The following SNRNP200 variants were observed in gnomAD, a reference collection of about 807,000 sequenced individuals.
SNRNP200 encodes small nuclear ribonucleoprotein U5 subunit 200, also known as U5 small nuclear ribonucleoprotein 200 kDa helicase.
Under a neutral mutation model 255.2 loss-of-function variants are expected in SNRNP200, and 66 were observed. That is an observed-to-expected ratio of 0.26 (90% CI 0.21 to 0.32). The LOEUF is 0.32. SNRNP200 is among the 10% of genes least tolerant of loss of function. SNRNP200 has a pLI of 1.00. For missense variants in SNRNP200, 1,585 were observed against 2,749.8 expected (o/e 0.58, Z 9.47); for synonymous variants, 939 against 1,027.8 (o/e 0.91, Z 1.65).
rs1377252379 is a variant in SNRNP200, at chr2:96,278,622, C to T, written c.5413G>A (p.Glu1805Lys). Reference sequence around the variant, plus strand: ...AGAGGCGCCACGTCCATCTCGTCCTCGATGCTGATGCACTTGGACTGCTCC... The same window carrying T: ...AGAGGCGCCACGTCCATCTCGTCCTTGATGCTGATGCACTTGGACTGCTCC... ...DLEQSKCISI[E>K]DEMDVAPLNL... The change falls in exon 38 of 45, where the codon GAG (glutamate) becomes AAG (lysine). Residue 1805 changes from glutamate to lysine, a missense_variant. Glu to Lys is a moderately conservative substitution (Grantham distance 56). This residue lies in a region of SNRNP200 where 279 missense variants were observed against 551.2 expected (regional missense o/e 0.51). Transcript: ENST00000323853. This position sits in a 1 kb window ranked among gnomAD's most constrained non-coding sequence, Gnocchi z 6.9. The T allele has an allele frequency of 2.5e-6, 4 of 1,614,086 alleles. No homozygotes were observed. The highest frequency in any genetic ancestry group is 2.7e-5 in the African/African-American group (2 of 74,920).
chr2:96,304,320 T>C (rs905281259), intron 2 of SNRNP200, among the ~76,000 whole-genome samples: 8 of 151,952 alleles, frequency 5.3e-5, no homozygotes, highest in Admixed American at 5.2e-4. Context: ...ATGCTTAAAT[T>C]AGTTTGTTAC....
At chr2:96,279,750 G>C (rs1170975798) in intron 35 of SNRNP200, 191 bp from the exon 36 acceptor site, 2 of 602,020 alleles carry the variant, frequency 3.3e-6, no homozygotes, top group Non-Finnish European at 6.1e-6. Flanking sequence ...TAACATTTTA[G>C]TATTCAGTGT....
chr2:96,289,412 C>G (rs1334853567), intron 21 of SNRNP200, 33 bp from the exon 22 acceptor site: 1 of 1,611,750 alleles, frequency 6.2e-7, no homozygotes, highest in Non-Finnish European at 8.5e-7. Context: ...CCAGTGCTGA[C>G]TATTAATGAG....
intron 2 of SNRNP200, 115 bp from the exon 3 acceptor site, chr2:96,303,445 CA>C (rs1477564419): frequency 8.1e-7 from 1 of 1,234,740 alleles, no homozygotes; most frequent in Admixed American, 1.7e-5. Flanking sequence ...TATCTGAAAA[CA>C]GGTATCTGAG....
At chr2:96,297,140 C>T in intron 11 of SNRNP200, 70 bp from the exon 12 acceptor site, 2 of 1,609,230 alleles carry the variant, frequency 1.2e-6, no homozygotes, top group Non-Finnish European at 1.7e-6. Context: ...TGTGGGATTG[C>T]CAGGATTTTG....
In SNRNP200 at chr2:96,298,555, T is replaced by G. The variant is rs773981518; in HGVS notation, c.982+48A>C. 21 of 1,602,266 alleles carry G rather than the reference T, an allele frequency of 1.3e-5. No homozygotes were observed. In the Admixed American group the frequency reaches 3.5e-4, roughly 27 times the overall value. Reference sequence around the variant, plus strand: ...AACAACAGAATCTCTATGTCACACATGCACACATATGTACTCACTCTGCAG... The same window carrying G: ...AACAACAGAATCTCTATGTCACACAGGCACACATATGTACTCACTCTGCAG... On this transcript the variant is annotated intron_variant, in intron 8 of 44. Transcript: ENST00000323853.
At chr2:96,288,026 A>C in intron 24 of SNRNP200, 57 bp from the exon 25 acceptor site, 1 of 1,498,608 alleles carries the variant, frequency 6.7e-7, no homozygotes, top group South Asian at 1.1e-5. Flanking sequence ...AGGCCTCATG[A>C]GCCACTCTAC....
chr2:96,276,071 G>A (rs1337608865), intron 43 of SNRNP200, among the ~76,000 whole-genome samples: 1 of 152,270 alleles, frequency 6.6e-6, no homozygotes, highest in Non-Finnish European at 1.5e-5. Flanking sequence ...AGGCCTTGCA[G>A]CCCTGTCTAC....
Position 96,283,542 on chromosome 2 carries a change from G to T in SNRNP200, c.4756C>A (p.Arg1586=). The part of the protein sequence containing the change: ...ILTTCAADIQ[R]QRFLHCTEKD... ...ACGCCAGGCCCCACCTACCTCTGCC[G>T]TTGGATGTCTGCTGCACAGGTGGTG... is the stretch of plus-strand genomic sequence containing the variant. The change falls in exon 33 of 45, where the codon CGG becomes AGG. Residue 1586 remains arginine (R), a synonymous_variant. Transcript: ENST00000323853. This position sits in a 1 kb window ranked among gnomAD's most constrained non-coding sequence, Gnocchi z 4.7. The T allele has an allele frequency of 1.2e-6, 2 of 1,614,102 alleles. No individual in the cohort carries two copies. The highest frequency in any genetic ancestry group is 1.7e-6 in the Non-Finnish European group (2 of 1,180,022).
chr2:96,294,630 C>T (rs1190404009), intron 14 of SNRNP200, among the ~76,000 whole-genome samples: 1 of 152,244 alleles, frequency 6.6e-6, no homozygotes, highest in Non-Finnish European at 1.5e-5. Context: ...TGAAAACCAA[C>T]ACGTGAAGTC....
At chr2:96,303,064 G>A in intron 3 of SNRNP200, 95 bp downstream of exon 3, 1 of 1,362,908 alleles carries the variant, frequency 7.3e-7, no homozygotes, top group Non-Finnish European at 1.0e-6. Context: ...CATACAAAAA[G>A]ATACTTAGCA....
At position 96,277,188 on chromosome 2, in the gene SNRNP200, C is replaced by T. The variant is rs139075781; in HGVS notation, c.5985G>A (p.Ala1995=). The T allele has an allele frequency of 1.4e-5, 23 of 1,614,162 alleles. No homozygotes were observed. Among genetic ancestry groups the T allele is most frequent in the East Asian group, 4.5e-5 (2 of 44,884 alleles). The change falls in exon 42 of 45, where the codon GCG becomes GCA. Residue 1995 remains alanine, a synonymous_variant. Transcript: ENST00000323853. The surrounding 1 kb of genome is among the most constrained non-coding windows in gnomAD (Gnocchi z 4.4). ...TCTGGCTGTCAGTCAGCTGAAGCAA[C>T]GCGTTCCGTTCTTCATCCTCCATCT... is the stretch of plus-strand genomic sequence containing the variant. ...IMEMEDEERN[A]LLQLTDSQIA... is the part of the protein sequence containing the mutation.
chr2:96,280,459 C>T (rs1684739728), intron 35 of SNRNP200, among the ~76,000 whole-genome samples: 1 of 152,038 alleles, frequency 6.6e-6, no homozygotes, highest in South Asian at 2.1e-4. Context: ...GATCATACCA[C>T]CGCATTCCAG....
chr2:96,285,304 A>C lies in SNRNP200; in HGVS notation c.4040T>G (p.Phe1347Cys). The change falls in exon 30 of 45, where the codon TTT becomes TGT. Residue 1347 changes from phenylalanine (F) to cysteine (C), a missense_variant. Phe to Cys is a radical substitution (Grantham distance 205). Coordinates refer to ENST00000323853, the MANE Select transcript of SNRNP200 (RefSeq NM_014014.5). ...CCCGCTGCCCGTGGGGGCCCCCACA[A>C]ACACGTTGTCGTCACTGTTGTATAC... ...NTVYNSDDNV[F>C]VGAPTGSGKT... is the part of the protein sequence containing the mutation. 1 of 1,614,178 alleles carries C rather than the reference A, an allele frequency of 6.2e-7. No individual in the cohort carries two copies. The highest frequency in any genetic ancestry group is 8.5e-7 in the Non-Finnish European group (1 of 1,180,030).
chr2:96,295,676 C>CA lies in SNRNP200; in HGVS notation c.1672-19dup. On this transcript the variant is annotated intron_variant, in intron 13 of 44. Coordinates refer to ENST00000323853, the MANE Select transcript of SNRNP200 (RefSeq NM_014014.5). ...GCCAGGCGCTGTGGGAGGAAAACTA[C>CA]ATCAGGCAGGAATGCTTGAAGGGGC... 1 of 1,612,582 alleles carries CA rather than the reference C, an allele frequency of 6.2e-7. No homozygotes were observed. Among genetic ancestry groups the CA allele is most frequent in the Non-Finnish European group, 8.5e-7 (1 of 1,179,882 alleles).
At position 96,283,160 on chromosome 2, in the gene SNRNP200, G is replaced by A. The variant is rs1168500207; in HGVS notation, c.4915+41C>T. On this transcript the variant is annotated intron_variant, in intron 34 of 44. Coordinates refer to ENST00000323853, the MANE Select transcript of SNRNP200 (RefSeq NM_014014.5). This position sits in a 1 kb window ranked among gnomAD's most constrained non-coding sequence, Gnocchi z 4.7. ...CCCTCAAGTTTAACACCACCACTTG[G>A]TGATACCCTTGCTATGCTCCCCTTC... 19 of 1,611,828 alleles carry A rather than the reference G, an allele frequency of 1.2e-5. No homozygotes were observed. The South Asian group carries it at 2.0e-4, about 17-fold the overall frequency.
chr2:96,288,304 G>C (rs2063856402), intron 24 of SNRNP200, among the ~76,000 whole-genome samples: 1 of 152,198 alleles, frequency 6.6e-6, no homozygotes, highest in Non-Finnish European at 1.5e-5. Flanking sequence ...TAAAGATGAA[G>C]AGCAGCTAAT....
At chr2:96,288,947 C>G in intron 23 of SNRNP200, 90 bp downstream of exon 23, 1 of 1,279,992 alleles carries the variant, frequency 7.8e-7, no homozygotes, top group Non-Finnish European at 1.1e-6. Context: ...GGAAACCACA[C>G]ATGAACCCAA....
chr2:96,304,971 TATC>T (rs2063978238), intron 1 of SNRNP200, 103 bp from the exon 2 acceptor site: 1 of 1,230,388 alleles, frequency 8.1e-7, no homozygotes, highest in East Asian at 2.5e-5. Flanking sequence ...ACTAGTTGCT[TATC>T]ATCACTAATC....
Sources: gnomAD v4.1 joint callset for allele counts (sites outside exome capture counted in the v4.1 genomes callset) on GRCh38, gnomAD v4.1.1 for gene constraint, gnomAD v4.1.1 regional missense constraint, Gnocchi (gnomAD v3.1) non-coding constraint, MANE v1.5 for transcripts, NCBI Gene and HGNC (gene_info 2026-07-23, HGNC 2026-07-21) for gene names.